KIF24: variants seen among roughly 807,000 people sequenced by gnomAD.
The protein encoded by KIF24 is kinesin-like protein KIF24.
A neutral mutation model predicts 118.9 loss-of-function variants in KIF24; 81 were observed. That is an observed-to-expected ratio of 0.68 (90% CI 0.57 to 0.82). The LOEUF (loss-of-function observed/expected upper bound fraction) is 0.82. Among genes scored for constraint, KIF24 ranks in the 40% least tolerant of loss-of-function variants. The probability of loss-of-function intolerance (pLI) is 0.00; values close to 1 mark genes in which losing one functional copy is unlikely to be tolerated. For synonymous variants in KIF24, 599 were observed against 610.0 expected (o/e 0.98, Z 0.27); for missense variants, 1,560 against 1,661.6 (o/e 0.94, Z 1.06).
At chr9:34,314,322 C>CA (rs1351622220) in intron 1 of KIF24, among the ~76,000 whole-genome samples, 1 of 152,008 alleles carries the variant, frequency 6.6e-6, no homozygotes, top group African/African-American at 2.4e-5. Context: ...CGCCACCACG[C>CA]CCGGCTAATT....
chr9:34,255,235 T>C lies in KIF24; in HGVS notation c.3873-70A>G, dbSNP rs1046096329. 3 of 944,096 alleles carry C rather than the reference T, an allele frequency of 3.2e-6. No individual in the cohort carries two copies. The African/African-American group carries it at 4.9e-5, about 15-fold the overall frequency. 58.5% of individuals were successfully genotyped at this position (944,096 alleles called of 1,614,324 possible). A position where few individuals can be genotyped will look rare whatever the true frequency, so the allele number is the denominator to read the frequency against. ...CCTCTCCTGGGTAGCTTTCTGGAGG[T>C]GATCTCATTTGTAAGCTGAGAGCTG... On this transcript the variant is annotated intron_variant, in intron 11 of 12. Coordinates refer to ENST00000402558, the MANE Select transcript of KIF24 (RefSeq NM_194313.4).
intron 4 of KIF24, among the ~76,000 whole-genome samples, chr9:34,296,168 G>T (rs1372156389): frequency 3.4e-5 from 5 of 145,804 alleles, no homozygotes; most frequent in Non-Finnish European, 7.5e-5. Context: ...GCAGTGCACC[G>T]AGGTGGCGCC....
chr9:34,265,312 G>A (rs1835246467), intron 8 of KIF24, among the ~76,000 whole-genome samples: 1 of 151,984 alleles, frequency 6.6e-6, no homozygotes, highest in Admixed American at 6.6e-5. Flanking sequence ...TGGGTTACAG[G>A]TGCGCACCAC....
rs564938406 is a variant in KIF24 at position 34,300,116 on chromosome 9, A to G, written c.814-3002T>C. On this transcript the variant is annotated intron_variant, in intron 3 of 12. Transcript: ENST00000402558. Reference sequence around the variant, plus strand: ...TTACATTAGAATGGAAACTTGTTAGATTGTCTAAGAAGAAAGTGAGAACAC... The same window carrying G: ...TTACATTAGAATGGAAACTTGTTAGGTTGTCTAAGAAGAAAGTGAGAACAC... Among the ~76,000 whole-genome samples, 4 of 152,290 alleles carry G rather than the reference A, an allele frequency of 2.6e-5. No individual in the cohort carries two copies. In the South Asian group the frequency reaches 8.3e-4, roughly 32 times the overall value.
upstream of KIF24, among the ~76,000 whole-genome samples, chr9:34,333,264 A>T (rs1368728651): frequency 6.6e-6 from 1 of 152,106 alleles, no homozygotes; most frequent in African/African-American, 2.4e-5. Flanking sequence ...TCTCCCCCCA[A>T]CTAAAACCTT....
chr9:34,319,651 TTTAGGGCC>T, intron 1 of KIF24: 1 of 830,964 alleles, frequency 1.2e-6, no homozygotes, highest in Admixed American at 1.8e-5. Context: ...CAAGACGAGT[TTTAGGGCC>T]TCAGGGTGCA....
At position 34,271,949 on chromosome 9, in the gene KIF24, G is replaced by A. The variant is rs1835525542; in HGVS notation, c.1216-19C>T. 4 of 1,570,502 alleles carry A rather than the reference G, an allele frequency of 2.5e-6. No individual in the cohort carries two copies. Among genetic ancestry groups the A allele is most frequent in the Non-Finnish European group, 2.6e-6 (3 of 1,157,314 alleles). On this transcript the variant is annotated intron_variant, in intron 6 of 12. Coordinates refer to ENST00000402558, the MANE Select transcript of KIF24 (RefSeq NM_194313.4). ...AGATCACCTGAAAATAAAATCCACAGGATGACTTCCCCAAGGAGTAAACAA... is the reference window on the plus strand; with the variant it reads ...AGATCACCTGAAAATAAAATCCACAAGATGACTTCCCCAAGGAGTAAACAA...
chr9:34,306,423 T>C lies in KIF24; in HGVS notation c.642A>G (p.Lys214=), dbSNP rs750065980. The C allele has an allele frequency of 5.9e-5, 95 of 1,606,960 alleles. No individual in the cohort carries two copies. Among genetic ancestry groups the C allele is most frequent in the Non-Finnish European group, 7.8e-5 (92 of 1,177,220 alleles). ...HSCIRQNTSE[K]QNPWTEMEKI... ...TCTCCATCTCAGTCCAAGGATTCTG[T>C]TTCTCTGAAGTGTTCTGTCTAATAT... Residue 214 remains lysine, a synonymous_variant, in exon 3 of 13, where the codon AAA becomes AAG. Coordinates refer to ENST00000402558, the MANE Select transcript of KIF24 (RefSeq NM_194313.4).
At chr9:34,309,108 CA>C (rs34674256) in intron 2 of KIF24, among the ~76,000 whole-genome samples, 106,502 of 151,846 alleles carry the variant, frequency 0.7, 39,356 homozygotes, top group East Asian at 0.95. Context: ...AACAAATAAA[CA>C]AAAGAGTCAA....
chr9:34,317,974 C>T (rs1482403783), intron 1 of KIF24, among the ~76,000 whole-genome samples: 1 of 152,092 alleles, frequency 6.6e-6, no homozygotes, highest in Non-Finnish European at 1.5e-5. Context: ...CTACCATACC[C>T]TTAAAATCTT....
At chr9:34,276,482 T>C (rs980391847) in intron 6 of KIF24, among the ~76,000 whole-genome samples, 1 of 152,054 alleles carries the variant, frequency 6.6e-6, no homozygotes, top group Non-Finnish European at 1.5e-5. Context: ...TATATCATAT[T>C]GAACATAGTC....
chr9:34,284,481 T>A (rs1280344024), intron 6 of KIF24, among the ~76,000 whole-genome samples: 1 of 152,082 alleles, frequency 6.6e-6, no homozygotes, highest in Non-Finnish European at 1.5e-5. Flanking sequence ...GGTATATTCC[T>A]ATGATAAAAC....
intron 9 of KIF24, among the ~76,000 whole-genome samples, chr9:34,261,266 C>T (rs945766095): frequency 3.3e-5 from 5 of 152,224 alleles, no homozygotes; most frequent in African/African-American, 9.6e-5. Flanking sequence ...CTGTCTTCCA[C>T]TGTGCACAGG....
chr9:34,327,291 A>G (rs1445314365), intron 1 of KIF24, among the ~76,000 whole-genome samples: 1 of 152,156 alleles, frequency 6.6e-6, no homozygotes, highest in Non-Finnish European at 1.5e-5. Context: ...ATCAGGCATC[A>G]TAGAATACTA....
Position 34,318,399 on chromosome 9 carries a change from C to G in KIF24, c.-25-7028G>C, listed in dbSNP as rs1314572939. On this transcript the variant is annotated intron_variant, in intron 1 of 12. Transcript: ENST00000402558. This position sits in a 1 kb window ranked among gnomAD's most constrained non-coding sequence, Gnocchi z 4.9. ...ATCGTGGTGCACGCAAACCACCTCC[C>G]AGCCACGCGCTCCCTCCTGCTCCTC... 1.4e-6 allele frequency: 1 copy of G among 697,428 alleles called. No individual in the cohort carries two copies. The highest frequency in any genetic ancestry group is 2.6e-5 in the East Asian group (1 of 37,744). 43.2% of individuals were successfully genotyped at this position (697,428 alleles called of 1,614,324 possible).
intron 4 of KIF24, among the ~76,000 whole-genome samples, chr9:34,295,210 CAG>C (rs1836421310): frequency 6.6e-6 from 1 of 151,830 alleles, no homozygotes; most frequent in Non-Finnish European, 1.5e-5. Context: ...GACAGACAGA[CAG>C]ACAGACAGAC....
intron 1 of KIF24, among the ~76,000 whole-genome samples, chr9:34,317,104 G>C (rs1304231695): frequency 6.6e-6 from 1 of 152,056 alleles, no homozygotes; most frequent in Non-Finnish European, 1.5e-5. Flanking sequence ...CATAATCCCA[G>C]CTACTCGGGA....
chr9:34,319,838 C>A (rs1051197529), intron 1 of KIF24, among the ~76,000 whole-genome samples: 2 of 152,146 alleles, frequency 1.3e-5, no homozygotes, highest in African/African-American at 4.8e-5. Flanking sequence ...TCCACTTGGA[C>A]GTGGGCCCCA....
At chr9:34,294,906 T>G (rs1587947805) in intron 4 of KIF24, among the ~76,000 whole-genome samples, 1 of 152,186 alleles carries the variant, frequency 6.6e-6, no homozygotes, top group South Asian at 2.1e-4. Context: ...GATGAAAATG[T>G]TCCATGTCTT....
Sources: gnomAD v4.1 joint callset for allele counts (sites outside exome capture counted in the v4.1 genomes callset) on GRCh38, gnomAD v4.1.1 for gene constraint, Gnocchi (gnomAD v3.1) non-coding constraint, MANE v1.5 for transcripts, NCBI Gene and HGNC (gene_info 2026-07-23, HGNC 2026-07-21) for gene names.